Variants in DLG2 observed in about 807,000 individuals in gnomAD.
DLG2 encodes discs large MAGUK scaffold protein 2, also known as disks large homolog 2.
DLG2 carries 45 observed loss-of-function variants against 132.5 expected under a neutral mutation model. The observed-to-expected ratio is 0.34, with a 90% CI of 0.27 to 0.44. DLG2 has a LOEUF of 0.44. Among genes scored for constraint, DLG2 ranks in the 20% least tolerant of loss-of-function variants. The probability of loss-of-function intolerance (pLI) is 1.00; values close to 1 mark genes in which losing one functional copy is unlikely to be tolerated. For missense variants in DLG2, 1,045 were observed against 1,196.9 expected (o/e 0.87, Z 1.87); for synonymous variants, 424 against 419.6 (o/e 1.01, Z -0.13).
chr11:83,576,315 T>A (rs2096873260), intron 19 of DLG2, among the ~76,000 whole-genome samples: 1 of 151,988 alleles, frequency 6.6e-6, no homozygotes, highest in South Asian at 2.1e-4. Flanking sequence ...CTAATTGGAG[T>A]TTCCAAAGTG....
chr11:84,792,400 T>C (rs1204074724), intron 6 of DLG2, among the ~76,000 whole-genome samples: 1 of 152,164 alleles, frequency 6.6e-6, no homozygotes, highest in African/African-American at 2.4e-5. Flanking sequence ...TTTATTGATG[T>C]GTCTGTCTGA....
intron 4 of DLG2, among the ~76,000 whole-genome samples, chr11:85,226,402 T>G (rs1157546331): frequency 6.6e-6 from 1 of 151,968 alleles, no homozygotes; most frequent in African/African-American, 2.4e-5. Context: ...GTTATTCACC[T>G]AAGTTTCACA....
intron 11 of DLG2, among the ~76,000 whole-genome samples, chr11:84,041,388 C>T (rs1223860743): frequency 6.6e-6 from 1 of 151,910 alleles, no homozygotes; most frequent in Non-Finnish European, 1.5e-5. Context: ...GAATATGGAA[C>T]AATTTATACT....
intron 4 of DLG2, among the ~76,000 whole-genome samples, chr11:85,271,629 G>C (rs1404196091): frequency 6.6e-6 from 1 of 152,228 alleles, no homozygotes; most frequent in East Asian, 1.9e-4. Flanking sequence ...CAAAACCATG[G>C]GGACCCAGCT....
At chr11:83,889,459 A>G (rs989511471) in intron 15 of DLG2, among the ~76,000 whole-genome samples, 7 of 152,172 alleles carry the variant, frequency 4.6e-5, no homozygotes, top group Non-Finnish European at 1.0e-4. Flanking sequence ...AGGAAACAAC[A>G]GGTGCTGGAG....
chr11:83,898,181 T>A (rs923869629), intron 15 of DLG2, among the ~76,000 whole-genome samples: 3 of 152,134 alleles, frequency 2.0e-5, no homozygotes, highest in Non-Finnish European at 4.4e-5. Context: ...AATTTTTGAA[T>A]CATAAATTAT....
chr11:83,555,807 C>A (rs1030196940), intron 19 of DLG2, among the ~76,000 whole-genome samples: 1 of 152,172 alleles, frequency 6.6e-6, no homozygotes. Flanking sequence ...TTCCCAAACA[C>A]TGTAAATGAA....
intron 18 of DLG2, among the ~76,000 whole-genome samples, chr11:83,707,723 A>G (rs17145962): frequency 0.031 from 4,685 of 152,206 alleles, 264 homozygotes; most frequent in African/African-American, 0.11. Flanking sequence ...CAAGTGCACA[A>G]TGCTTTTGAG....
At position 84,029,264 on chromosome 11, in the gene DLG2, A is replaced by T. The variant is rs187006773; in HGVS notation, c.919+30051T>A. Among the ~76,000 whole-genome samples, 139 of 152,212 alleles carry T rather than the reference A, an allele frequency of 9.1e-4. 1 individual carries two copies. Among genetic ancestry groups the T allele is most frequent in the Admixed American group, 1.8e-3 (28 of 15,248 alleles). On this transcript the variant is annotated intron_variant, in intron 11 of 27. Coordinates refer to ENST00000376104, the MANE Select transcript of DLG2 (RefSeq NM_001142699.3). ...GACCACCAATAAAAAAGATAGTATA[A>T]TCTCTTCTTTATACTCAGATTAATA...
chr11:85,518,811 CTGT>C (rs2094219960), intron 3 of DLG2, among the ~76,000 whole-genome samples: 1 of 152,274 alleles, frequency 6.6e-6, no homozygotes. Context: ...CAGGGACCCT[CTGT>C]TGTTTACAGT....
rs1399602974 is a variant in DLG2 at position 84,850,210 on chromosome 11, G to T, written c.357+261451C>A. 2.0e-5 allele frequency among the ~76,000 whole-genome samples: 3 copies of T among 152,048 alleles called. No individual in the cohort carries two copies. In the East Asian group the frequency reaches 5.8e-4, roughly 29 times the overall value. On this transcript the variant is annotated intron_variant, in intron 6 of 27. Coordinates refer to ENST00000376104, the MANE Select transcript of DLG2 (RefSeq NM_001142699.3). ...AATTCTGACCAATGGTATGAGAAAA[G>T]AAATCATGTACCTCTTTTCCAGACC...
chr11:85,185,074 C>T (rs916039667), intron 4 of DLG2, among the ~76,000 whole-genome samples: 2 of 151,772 alleles, frequency 1.3e-5, no homozygotes, highest in African/African-American at 4.8e-5. Context: ...ATTTTGTCTG[C>T]TTTTTCTTTT....
chr11:83,901,198 G>A (rs556816602), intron 15 of DLG2, among the ~76,000 whole-genome samples: 31 of 152,292 alleles, frequency 2.0e-4, no homozygotes, highest in South Asian at 6.2e-4. Flanking sequence ...GCTCATAGGC[G>A]GAAGGGACTT....
At chr11:84,579,295 T>C (rs1000621373) in intron 6 of DLG2, among the ~76,000 whole-genome samples, 1 of 152,008 alleles carries the variant, frequency 6.6e-6, no homozygotes, top group Non-Finnish European at 1.5e-5. Flanking sequence ...TTTGTAAAAA[T>C]ATAGTTTTTC....
intron 17 of DLG2, among the ~76,000 whole-genome samples, chr11:83,788,164 A>G (rs1468744532): frequency 3.3e-5 from 5 of 152,178 alleles, no homozygotes; most frequent in South Asian, 2.1e-4. Flanking sequence ...CTTTTCATCA[A>G]TCCTATTTGA....
At chr11:84,261,696 A>G (rs1249458987) in intron 7 of DLG2, among the ~76,000 whole-genome samples, 1 of 152,070 alleles carries the variant, frequency 6.6e-6, no homozygotes, top group Non-Finnish European at 1.5e-5. Flanking sequence ...CCTCCTCTCT[A>G]TTTCTTCATC....
Position 85,540,768 on chromosome 11 carries a change from C to T in DLG2, c.40+57889G>A, listed in dbSNP as rs527438519. Among the ~76,000 whole-genome samples the T allele has an allele frequency of 9.2e-5, 14 of 152,358 alleles. 1 individual carries two copies. In the East Asian group the frequency reaches 2.7e-3, roughly 29 times the overall value. On this transcript the variant is annotated intron_variant, in intron 3 of 27. Coordinates refer to ENST00000376104, the MANE Select transcript of DLG2 (RefSeq NM_001142699.3). The stretch of plus-strand genomic sequence containing the variant: ...GGAGCTATAAACACTCAACCTTAGA[C>T]GCTGCTGTGGGGTCAGAGCCCAAAA...
intron 11 of DLG2, among the ~76,000 whole-genome samples, chr11:84,058,507 A>AATAATAATG (rs1566266732): frequency 7.2e-6 from 1 of 139,236 alleles, no homozygotes; most frequent in Non-Finnish European, 1.6e-5. Flanking sequence ...AAACAAATAC[A>AATAATAATG]ATAATAATAA....
chr11:85,246,204 T>C (rs899034983), intron 4 of DLG2, among the ~76,000 whole-genome samples: 2 of 151,932 alleles, frequency 1.3e-5, no homozygotes, highest in Admixed American at 1.3e-4. Context: ...TATCAAGAAA[T>C]ATTGAAGAAC....
Sources: gnomAD v4.1 joint callset for allele counts (sites outside exome capture counted in the v4.1 genomes callset) on GRCh38, gnomAD v4.1.1 for gene constraint, MANE v1.5 for transcripts, NCBI Gene and HGNC (gene_info 2026-07-23, HGNC 2026-07-21) for gene names.